MACROD2: variants seen among roughly 807,000 people sequenced by gnomAD.
MACROD2 encodes the protein mono-ADP ribosylhydrolase 2.
MACROD2 carries 36 observed loss-of-function variants against 70.4 expected under a neutral mutation model. The ratio of observed to expected loss-of-function variants is 0.51; its 90% confidence interval spans 0.39 to 0.68. The LOEUF is 0.68. Ranked by LOEUF, MACROD2 falls within the 30% of genes least tolerant of loss-of-function variation. MACROD2 has a pLI of 0.00. For synonymous variants in MACROD2, 172 were observed against 178.8 expected (o/e 0.96, Z 0.30); for missense variants, 496 against 538.4 (o/e 0.92, Z 0.78).
intron 8 of MACROD2, among the ~76,000 whole-genome samples, chr20:15,633,623 G>A (rs2049323219): frequency 6.6e-6 from 1 of 151,666 alleles, no homozygotes; most frequent in South Asian, 2.1e-4. Context: ...GTCATGATCT[G>A]GTTATTACTA....
chr20:14,035,902 G>T (rs1172384989), intron 2 of MACROD2, among the ~76,000 whole-genome samples: 1 of 152,206 alleles, frequency 6.6e-6, no homozygotes, highest in Admixed American at 6.5e-5. Flanking sequence ...CAACACTTTG[G>T]GAGGCCAAGG....
chr20:15,312,754 G>A (rs2077766905), intron 6 of MACROD2, among the ~76,000 whole-genome samples: 1 of 152,038 alleles, frequency 6.6e-6, no homozygotes. Flanking sequence ...TTTTAGGAAG[G>A]AAACTTATTG....
intron 10 of MACROD2, among the ~76,000 whole-genome samples, chr20:15,896,680 C>T (rs183916046): frequency 1.4e-4 from 21 of 152,048 alleles, no homozygotes; most frequent in Non-Finnish European, 2.2e-4. Flanking sequence ...GTAAATATCT[C>T]GCTAAGATAC....
intron 8 of MACROD2, among the ~76,000 whole-genome samples, chr20:15,832,211 T>C (rs1003422940): frequency 1.3e-5 from 2 of 152,174 alleles, no homozygotes; most frequent in African/African-American, 4.8e-5. Flanking sequence ...TGTGTCTCTC[T>C]GCGTGTGTGG....
intron 6 of MACROD2, among the ~76,000 whole-genome samples, chr20:15,378,850 C>T (rs987625818): frequency 2.0e-5 from 3 of 152,118 alleles, no homozygotes; most frequent in African/African-American, 7.2e-5. Context: ...ACTACCAGTA[C>T]TCAGAGGAGA....
intron 8 of MACROD2, among the ~76,000 whole-genome samples, chr20:15,648,989 A>G (rs879882064): frequency 4.6e-5 from 7 of 152,218 alleles, no homozygotes; most frequent in Admixed American, 4.6e-4. Context: ...GAACAGCCTC[A>G]GAATAGCTTG....
intron 8 of MACROD2, among the ~76,000 whole-genome samples, chr20:15,749,823 C>T (rs189020999): frequency 6.6e-6 from 1 of 152,092 alleles, no homozygotes; most frequent in Admixed American, 6.6e-5. Context: ...GGAGACTAGA[C>T]ACCTATCTCT....
intron 8 of MACROD2, among the ~76,000 whole-genome samples, chr20:15,771,901 C>T (rs1290604986): frequency 6.0e-5 from 9 of 151,012 alleles, no homozygotes; most frequent in Admixed American, 5.3e-4. Context: ...TTGGCTAACA[C>T]GGTGAAACCC....
At chr20:14,854,642 A>T (rs113621925) in intron 5 of MACROD2, among the ~76,000 whole-genome samples, 2 of 152,224 alleles carry the variant, frequency 1.3e-5, no homozygotes, top group Non-Finnish European at 2.9e-5. Flanking sequence ...GTCACTCAAA[A>T]GTAAACATCT....
At chr20:14,397,797 A>G (rs540508422) in intron 3 of MACROD2, among the ~76,000 whole-genome samples, 3 of 152,186 alleles carry the variant, frequency 2.0e-5, no homozygotes, top group South Asian at 2.1e-4. Flanking sequence ...ATTGTCAACT[A>G]TTTTTCTCCA....
At chr20:15,178,102 A>G (rs1191517573) in intron 5 of MACROD2, among the ~76,000 whole-genome samples, 1 of 152,226 alleles carries the variant, frequency 6.6e-6, no homozygotes, top group Non-Finnish European at 1.5e-5. Flanking sequence ...TGTAAGAAAA[A>G]TATGAGAGTG....
At chr20:15,518,697 A>T (rs965751519) in intron 8 of MACROD2, among the ~76,000 whole-genome samples, 6 of 152,160 alleles carry the variant, frequency 3.9e-5, no homozygotes, top group African/African-American at 1.4e-4. Context: ...TCCTAATAAC[A>T]TCCTATCAGA....
chr20:14,772,007 A>G (rs532110490), intron 5 of MACROD2, among the ~76,000 whole-genome samples: 14 of 152,194 alleles, frequency 9.2e-5, no homozygotes, highest in African/African-American at 2.9e-4. Flanking sequence ...AAAGTTCAAA[A>G]AGCAGGAAAA....
At chr20:14,658,026 CAT>C (rs1031681465) in intron 4 of MACROD2, among the ~76,000 whole-genome samples, 1 of 148,038 alleles carries the variant, frequency 6.8e-6, no homozygotes, top group African/African-American at 2.5e-5. Context: ...ATTTCAATAA[CAT>C]ATTTGTAGTA....
At chr20:14,843,163 CTTT>C (rs11389584) in intron 5 of MACROD2, among the ~76,000 whole-genome samples, 1 of 119,256 alleles carries the variant, frequency 8.4e-6, no homozygotes, top group Admixed American at 9.0e-5. Context: ...TGTTCATTAA[CTTT>C]TTTTTTTTTT....
intron 5 of MACROD2, among the ~76,000 whole-genome samples, chr20:14,967,370 G>C (rs1330924842): frequency 6.7e-6 from 1 of 149,786 alleles, no homozygotes; most frequent in Non-Finnish European, 1.5e-5. Flanking sequence ...CACCATGTTG[G>C]CCAGACTGGT....
intron 5 of MACROD2, among the ~76,000 whole-genome samples, chr20:14,858,095 A>G (rs940560106): frequency 1.3e-5 from 2 of 152,192 alleles, no homozygotes; most frequent in South Asian, 2.1e-4. Flanking sequence ...TGCTGGGATT[A>G]CAGGCGTGAG....
At chr20:14,463,358 A>G (rs1327385360) in intron 3 of MACROD2, among the ~76,000 whole-genome samples, 1 of 152,018 alleles carries the variant, frequency 6.6e-6, no homozygotes, top group Non-Finnish European at 1.5e-5. Context: ...GTGTATAAGA[A>G]TGCTTGTGAT....
chr20:14,206,303 G>T (rs1033043734), intron 3 of MACROD2, among the ~76,000 whole-genome samples: 7 of 152,148 alleles, frequency 4.6e-5, no homozygotes, highest in Non-Finnish European at 5.9e-5. Context: ...ATTGCATTCC[G>T]CTGTGGAACT....
Sources: allele counts gnomAD v4.1 joint callset (sites outside exome capture counted in the v4.1 genomes callset), GRCh38; gene constraint gnomAD v4.1.1; transcripts MANE v1.5; gene names NCBI Gene and HGNC (gene_info 2026-07-23, HGNC 2026-07-21).